The following C4orf50 variants were observed in gnomAD, a reference collection of about 807,000 sequenced individuals.
The protein encoded by C4orf50 is chromosome 4 open reading frame 50, also known as uncharacterized protein C4orf50.
A neutral mutation model predicts 77.2 loss-of-function variants in C4orf50; 80 were observed. The observed-to-expected ratio is 1.04, with a 90% CI of 0.87 to 1.25. The LOEUF is 1.25. Among genes scored for constraint, C4orf50 ranks in the 50% most tolerant of loss-of-function variants. C4orf50 has a pLI of 0.00. For missense variants in C4orf50, 1,257 were observed against 1,152.9 expected (o/e 1.09, Z -1.31); for synonymous variants, 532 against 465.3 (o/e 1.14, Z -1.84).
intron 30 of C4orf50, among the ~76,000 whole-genome samples, chr4:5,975,385 G>A (rs1441945189): frequency 6.6e-5 from 10 of 152,112 alleles, no homozygotes; most frequent in African/African-American, 1.4e-4. Flanking sequence ...AAACGTATAC[G>A]CATCGTAGGC....
Position 5,967,413 on chromosome 4 carries a change from C to A in C4orf50, c.4153+1G>T, listed in dbSNP as rs776680140. ...TTTTCCTGATCAAAAATCACACTGA[C>A]CTCTTAAAGCTGCCGTCATCTCAGA... On this transcript the variant is annotated splice_donor_variant, in intron 32 of 33. Transcript: ENST00000531445. LOFTEE classifies it high-confidence loss of function. 4.3e-6 allele frequency: 7 copies of A among 1,612,932 alleles called. No individual in the cohort carries two copies. The highest frequency in any genetic ancestry group is 5.1e-6 in the Non-Finnish European group (6 of 1,179,012).
At position 6,011,534 on chromosome 4, in the gene C4orf50, A is replaced by C. The variant is rs563851917; in HGVS notation, c.426+296T>G. ...TATCAGTCTCCCCCATCTGCATAAG[A>C]GCTCCGGACCCCAGGAGCCCTGCAT... On this transcript the variant is annotated intron_variant, in intron 24 of 33. Transcript: ENST00000531445. The surrounding 1 kb of genome is among the most constrained non-coding windows in gnomAD (Gnocchi z 4.2). Among the ~76,000 whole-genome samples, 14 of 152,132 alleles carry C rather than the reference A, an allele frequency of 9.2e-5. No homozygotes were observed. The South Asian group carries it at 1.2e-3, about 14-fold the overall frequency.
At chr4:5,940,642 C>A (rs769665536) in intron 7 of C4orf50, among the ~76,000 whole-genome samples, 2 of 152,220 alleles carry the variant, frequency 1.3e-5, no homozygotes, top group Non-Finnish European at 2.9e-5. Flanking sequence ...TGTGCACATT[C>A]ATTTGTAATG....
intron 28 of C4orf50, among the ~76,000 whole-genome samples, chr4:5,983,410 T>C (rs1445595898): frequency 6.6e-6 from 1 of 152,194 alleles, no homozygotes; most frequent in Non-Finnish European, 1.5e-5. Flanking sequence ...CTTTCTGTTT[T>C]TCCAATGAGC....
chr4:5,907,602 T>C (rs1308131358), intron 7 of C4orf50, among the ~76,000 whole-genome samples: 2 of 152,082 alleles, frequency 1.3e-5, no homozygotes, highest in African/African-American at 4.8e-5. Context: ...ATTTAGTAAA[T>C]TGAAAGGCAG....
At chr4:5,907,384 A>G (rs1716602925) in intron 7 of C4orf50, among the ~76,000 whole-genome samples, 1 of 152,234 alleles carries the variant, frequency 6.6e-6, no homozygotes, top group South Asian at 2.1e-4. Context: ...ATAGATATCC[A>G]ACATCTGAGA....
At chr4:5,993,681 G>A (rs1721416851) in intron 26 of C4orf50, among the ~76,000 whole-genome samples, 1 of 152,102 alleles carries the variant, frequency 6.6e-6, no homozygotes, top group African/African-American at 2.4e-5. Context: ...GCCGGGCATG[G>A]TGGTGGGAGC....
chr4:5,983,259 C>T (rs1190603204), intron 28 of C4orf50, among the ~76,000 whole-genome samples: 1 of 152,200 alleles, frequency 6.6e-6, no homozygotes, highest in Non-Finnish European at 1.5e-5. Context: ...TGCTCAAAAC[C>T]CTCTGTTGGC....
exon 31 of C4orf50, chr4:5,973,794 C>A (rs373107754): frequency 6.2e-7 from 1 of 1,613,582 alleles, no homozygotes; most frequent in African/African-American, 1.3e-5. Flanking sequence ...GGTGGGTGAT[C>A]AGGCGGTTCC....
exon 8 of C4orf50, chr4:5,898,022 G>A (rs1220233587): frequency 1.3e-5 from 2 of 152,256 alleles, no homozygotes; most frequent in Non-Finnish European, 2.9e-5. Context: ...AGGAGACCTT[G>A]TAGATTCATG....
chr4:6,010,306 G>A (rs1722442223), intron 24 of C4orf50, among the ~76,000 whole-genome samples: 1 of 152,170 alleles, frequency 6.6e-6, no homozygotes, highest in Non-Finnish European at 1.5e-5. Flanking sequence ...TGCACCTGAA[G>A]TTCAGTATAA....
At chr4:5,987,898 C>G (rs1577969385) in intron 28 of C4orf50, among the ~76,000 whole-genome samples, 1 of 152,276 alleles carries the variant, frequency 6.6e-6, no homozygotes, top group East Asian at 1.9e-4. Flanking sequence ...AAGCACAGAG[C>G]CGGGTTGGAA....
At chr4:5,918,869 G>A (rs114796258) in intron 7 of C4orf50, among the ~76,000 whole-genome samples, 153 of 152,272 alleles carry the variant, frequency 1.0e-3, no homozygotes, top group African/African-American at 3.4e-3. Context: ...CAGACCAAAT[G>A]AATGGAGTCT....
rs560787572 is a variant in C4orf50, at chr4:6,009,925, C to T, written c.427-1393G>A. ...ATGGGGTTTTGTGATGAGTCTTTCC[C>T]GGGAGCATACACAGCACATGAGACA... On this transcript the variant is annotated intron_variant, in intron 24 of 33. Transcript: ENST00000531445. The surrounding 1 kb of genome is among the most constrained non-coding windows in gnomAD (Gnocchi z 5.6). Among the ~76,000 whole-genome samples the T allele has an allele frequency of 6.4e-4, 98 of 152,144 alleles. No individual in the cohort carries two copies. Among genetic ancestry groups the T allele is most frequent in the Middle Eastern group, 3.4e-3 (1 of 294 alleles).
At chr4:5,942,842 A>G (rs770101026) in intron 7 of C4orf50, among the ~76,000 whole-genome samples, 13 of 152,194 alleles carry the variant, frequency 8.5e-5, no homozygotes, top group Non-Finnish European at 1.8e-4. Flanking sequence ...CACATACAGT[A>G]TGATCTCGTT....
chr4:5,926,412 C>T (rs933770890), intron 7 of C4orf50, among the ~76,000 whole-genome samples: 11 of 152,008 alleles, frequency 7.2e-5, no homozygotes, highest in African/African-American at 2.7e-4. Flanking sequence ...GAAAGTGGAC[C>T]GCCGGATGTC....
At chr4:5,920,826 C>T (rs965878300) in intron 7 of C4orf50, among the ~76,000 whole-genome samples, 5 of 152,162 alleles carry the variant, frequency 3.3e-5, no homozygotes, top group African/African-American at 7.2e-5. Flanking sequence ...GTAGAGCAAA[C>T]GCAAACAACT....
At chr4:5,993,118 C>T (rs985944189) in intron 26 of C4orf50, among the ~76,000 whole-genome samples, 188 bp from the exon 5 acceptor site, 6 of 151,130 alleles carry the variant, frequency 4.0e-5, no homozygotes, top group Admixed American at 1.3e-4. Context: ...GGCTCAGAGA[C>T]GTGAAATAGC....
At chr4:5,947,740 T>C (rs1313058539) in intron 7 of C4orf50, among the ~76,000 whole-genome samples, 3 of 152,022 alleles carry the variant, frequency 2.0e-5, no homozygotes, top group Non-Finnish European at 4.4e-5. Context: ...AGCCTAACAC[T>C]CTTCCAAGTC....
Sources: gnomAD v4.1 joint callset for allele counts (sites outside exome capture counted in the v4.1 genomes callset) on GRCh38, gnomAD v4.1.1 for gene constraint, Gnocchi (gnomAD v3.1) non-coding constraint, MANE v1.5 for transcripts, NCBI Gene and HGNC (gene_info 2026-07-23, HGNC 2026-07-21) for gene names.